NAV3: variants seen among roughly 807,000 people sequenced by gnomAD.
NAV3 encodes neuron navigator 3, also known as pore membrane and/or filament interacting like protein 1.
NAV3 carries 87 observed loss-of-function variants against 244.7 expected under a neutral mutation model. The observed-to-expected ratio is 0.36, with a 90% confidence interval of 0.30 to 0.42. The LOEUF (loss-of-function observed/expected upper bound fraction) is 0.42. NAV3 is among the 20% of genes least tolerant of loss of function. The pLI, the probability that NAV3 is intolerant of heterozygous loss-of-function variation, is 1.00. For missense variants in NAV3, 2,663 were observed against 2,893.3 expected, an observed-to-expected ratio of 0.92 and a Z score of 1.83; for synonymous variants, 1,126 against 1,042.2, an observed-to-expected ratio of 1.08 and a Z score of -1.55.
At chr12:77,725,108 A>T (rs1401178942) in intron 2 of NAV3, among the ~76,000 whole-genome samples, 1 of 152,038 alleles carries the variant, frequency 6.6e-6, no homozygotes, top group African/African-American at 2.4e-5. Context: ...TAATTTAAGC[A>T]TCTAGGCGAT....
chr12:77,604,564 G>GTT (rs71440484), intron 2 of NAV3, among the ~76,000 whole-genome samples: 14 of 148,602 alleles, frequency 9.4e-5, no homozygotes, highest in Non-Finnish European at 1.0e-4. Flanking sequence ...ATCTTATGTA[G>GTT]TTTTTTTTTT....
intron 22 of NAV3, 112 bp from the exon 23 acceptor site, chr12:78,159,091 G>T: frequency 1.4e-6 from 1 of 720,824 alleles, no homozygotes; most frequent in Non-Finnish European, 2.3e-6. Flanking sequence ...GATAGTCATA[G>T]TATTTAAAGA....
At chr12:77,659,930 A>G (rs183628690) in intron 2 of NAV3, among the ~76,000 whole-genome samples, 4,156 of 126,700 alleles carry the variant, frequency 0.033, 190 homozygotes, top group African/African-American at 0.12. Flanking sequence ...GGACACAGGA[A>G]GGGGAACATC....
At chr12:77,819,604 A>G (rs936174521) in intron 2 of NAV3, among the ~76,000 whole-genome samples, 1 of 152,066 alleles carries the variant, frequency 6.6e-6, no homozygotes, top group Non-Finnish European at 1.5e-5. Context: ...TCTTACAAAT[A>G]CAGTGGGAAA....
At chr12:78,178,015 T>A (rs1364909629) in intron 28 of NAV3, among the ~76,000 whole-genome samples, 1 of 151,822 alleles carries the variant, frequency 6.6e-6, no homozygotes, top group Non-Finnish European at 1.5e-5. Flanking sequence ...TATGTTTTTT[T>A]TTTCTATACA....
intron 12 of NAV3, among the ~76,000 whole-genome samples, chr12:78,078,465 G>C (rs1389901570): frequency 7.6e-6 from 1 of 131,976 alleles, no homozygotes; most frequent in Non-Finnish European, 1.6e-5. Flanking sequence ...GCGGGATCTC[G>C]GCTCACCGCA....
chr12:77,868,422 T>C (rs1395330992), intron 1 of NAV3, among the ~76,000 whole-genome samples: 1 of 151,850 alleles, frequency 6.6e-6, no homozygotes, highest in Non-Finnish European at 1.5e-5. Context: ...GAAAGAAAAA[T>C]AGATGATTCC....
intron 12 of NAV3, among the ~76,000 whole-genome samples, chr12:78,077,700 G>T (rs947559530): frequency 3.9e-5 from 6 of 152,204 alleles, no homozygotes; most frequent in African/African-American, 9.6e-5. Flanking sequence ...CACTTTGGGA[G>T]ACTGAGGCGG....
intron 1 of NAV3, among the ~76,000 whole-genome samples, chr12:77,918,931 G>A (rs896471856): frequency 2.0e-4 from 30 of 151,930 alleles, no homozygotes; most frequent in African/African-American, 7.0e-4. Context: ...GGAAGAAATA[G>A]TCTATATCAT....
chr12:77,622,117 C>T (rs1239530151), intron 2 of NAV3, among the ~76,000 whole-genome samples: 1 of 152,032 alleles, frequency 6.6e-6, no homozygotes, highest in African/African-American at 2.4e-5. Flanking sequence ...ATAGAAAAGG[C>T]AGGAAACTCA....
At chr12:78,125,790 T>G in intron 16 of NAV3, among the ~76,000 whole-genome samples, 1 of 152,326 alleles carries the variant, frequency 6.6e-6, no homozygotes, top group Non-Finnish European at 1.5e-5. Flanking sequence ...TTTAAATTAT[T>G]ATGGTAACTT....
Position 78,210,624 on chromosome 12 carries a change from C to T in NAV3, c.*107C>T. 7.4e-7 allele frequency: 1 copy of T among 1,359,624 alleles called. No individual in the cohort carries two copies. The highest frequency in any genetic ancestry group is 1.5e-5 in the African/African-American group (1 of 67,918). 84.2% of individuals were successfully genotyped at this position (1,359,624 alleles called of 1,614,324 possible). On this transcript the variant is annotated 3_prime_UTR_variant, in exon 40 of 40. Transcript: ENST00000397909. ...GTATAAAAGCACCCTGTCAAGGGCC[C>T]TGACCCAGAGTTGTGGTCTCCAAGG...
rs143895852 is a variant in NAV3, at chr12:77,694,830, A to G, written c.72+122564A>G. Reference sequence around the variant, plus strand: ...ACCTTTCTAGGCTTTGTCCATAATTATGCCAAGACATTTTGGAGATGTTTT... The same window carrying G: ...ACCTTTCTAGGCTTTGTCCATAATTGTGCCAAGACATTTTGGAGATGTTTT... On this transcript the variant is annotated intron_variant, in intron 2 of 8. Coordinates refer to the NAV3 transcript ENST00000550042. 2.8e-3 allele frequency among the ~76,000 whole-genome samples: 420 copies of G among 152,286 alleles called. 1 individual carries two copies. The highest frequency in any genetic ancestry group is 9.8e-3 in the African/African-American group (409 of 41,582).
chr12:77,823,951 A>G (rs1872854278), intron 2 of NAV3, among the ~76,000 whole-genome samples: 1 of 152,240 alleles, frequency 6.6e-6, no homozygotes, highest in Non-Finnish European at 1.5e-5. Context: ...CCTAGAGATG[A>G]AAAAGTATAG....
At chr12:77,906,425 C>A (rs559850232) in intron 1 of NAV3, among the ~76,000 whole-genome samples, 25 of 152,164 alleles carry the variant, frequency 1.6e-4, no homozygotes, top group African/African-American at 6.0e-4. Flanking sequence ...CCTAAATTTT[C>A]TTTGCATGAG....
chr12:78,148,469 A>G (rs1323356974), intron 21 of NAV3, among the ~76,000 whole-genome samples: 1 of 152,118 alleles, frequency 6.6e-6, no homozygotes, highest in Non-Finnish European at 1.5e-5. Flanking sequence ...GAACAAGAAA[A>G]ATATGTGTGT....
intron 2 of NAV3, among the ~76,000 whole-genome samples, chr12:77,716,220 G>A (rs555267685): frequency 3.3e-5 from 5 of 151,218 alleles, no homozygotes; most frequent in Non-Finnish European, 7.4e-5. Context: ...AAGTGTTTAT[G>A]TTTTATAAGT....
intron 2 of NAV3, among the ~76,000 whole-genome samples, chr12:77,654,848 G>A (rs571853440): frequency 1.1e-4 from 17 of 150,832 alleles, no homozygotes; most frequent in African/African-American, 4.2e-4. Context: ...CAGGCAAACA[G>A]GGTCTGGAGT....
intron 12 of NAV3, among the ~76,000 whole-genome samples, chr12:78,095,424 A>C (rs902194692): frequency 3.9e-5 from 6 of 152,218 alleles, no homozygotes; most frequent in African/African-American, 1.4e-4. Context: ...CAAGAAAGAG[A>C]ACACTTGAAG....
Sources: gnomAD v4.1 joint callset for allele counts (sites outside exome capture counted in the v4.1 genomes callset) on GRCh38, gnomAD v4.1.1 for gene constraint, MANE v1.5 for transcripts, NCBI Gene and HGNC (gene_info 2026-07-23, HGNC 2026-07-21) for gene names.